The following SLC9A9 variants were observed in gnomAD, a reference collection of about 807,000 sequenced individuals.
SLC9A9 encodes solute carrier family 9 member A9.
Under a neutral mutation model 77.8 loss-of-function variants are expected in SLC9A9, and 62 were observed. The observed-to-expected ratio is 0.80, with a 90% CI of 0.65 to 0.98. The LOEUF (loss-of-function observed/expected upper bound fraction) is 0.98, where lower values mean the gene tolerates loss of function less well. SLC9A9 is among the 50% of genes least tolerant of loss of function. The probability of loss-of-function intolerance (pLI) is 0.00; values close to 1 mark genes in which losing one functional copy is unlikely to be tolerated. For synonymous variants in SLC9A9, 320 were observed against 283.5 expected (o/e 1.13, Z -1.29); for missense variants, 775 against 774.9 (o/e 1.00, Z 0.00).
At chr3:143,704,995 A>ATATCTATCTATCTATCATCTATCTATC (rs1553782451) in intron 4 of SLC9A9, among the ~76,000 whole-genome samples, 12 of 116,036 alleles carry the variant, frequency 1.0e-4, no homozygotes, top group Non-Finnish European at 1.9e-4. Flanking sequence ...TCCATCTCAA[A>ATATCTATCTATCTATCATCTATCTATC]TATCTATCTA....
chr3:143,450,027 A>C (rs1161745391), intron 12 of SLC9A9, among the ~76,000 whole-genome samples: 1 of 109,718 alleles, frequency 9.1e-6, no homozygotes, highest in African/African-American at 3.7e-5. Context: ...TACATATAAT[A>C]TATATACATA....
chr3:143,359,905 C>T (rs949012254), intron 14 of SLC9A9, among the ~76,000 whole-genome samples: 4 of 152,130 alleles, frequency 2.6e-5, no homozygotes, highest in Non-Finnish European at 5.9e-5. Flanking sequence ...CCAACAAAAA[C>T]CTGTAACCTT....
intron 14 of SLC9A9, among the ~76,000 whole-genome samples, chr3:143,321,969 G>C (rs948290777): frequency 1.3e-5 from 2 of 152,158 alleles, no homozygotes; most frequent in Non-Finnish European, 2.9e-5. Flanking sequence ...ACCCTAACTG[G>C]ATCATCTTTT....
chr3:143,359,278 C>A (rs1036064306), intron 14 of SLC9A9, among the ~76,000 whole-genome samples: 13 of 152,018 alleles, frequency 8.6e-5, no homozygotes, highest in Admixed American at 7.9e-4. Flanking sequence ...GAGGACATAC[C>A]AGGGAATGAA....
chr3:143,713,452 G>C (rs937987399), intron 4 of SLC9A9, among the ~76,000 whole-genome samples: 13 of 152,088 alleles, frequency 8.5e-5, no homozygotes, highest in Non-Finnish European at 1.5e-4. Flanking sequence ...GTGGTCATAA[G>C]GAAGAAAGAA....
chr3:143,618,089 A>C (rs1021628303), intron 6 of SLC9A9, among the ~76,000 whole-genome samples: 17 of 152,202 alleles, frequency 1.1e-4, no homozygotes, highest in African/African-American at 3.9e-4. Flanking sequence ...TTTGCATGAC[A>C]GCCAAGAACA....
intron 5 of SLC9A9, among the ~76,000 whole-genome samples, chr3:143,671,197 T>G (rs1485663692): frequency 6.6e-6 from 1 of 152,232 alleles, no homozygotes; most frequent in Admixed American, 6.5e-5. Context: ...CGTATTCAGA[T>G]GGAGCTTTTA....
rs2033313393 is a variant in SLC9A9, at chr3:143,381,955, C to T, written c.1524+105G>A. 4 of 1,313,814 alleles carry T rather than the reference C, an allele frequency of 3.0e-6. No homozygotes were observed. In the Admixed American group the frequency reaches 5.1e-5, roughly 17 times the overall value. 81.4% of individuals were successfully genotyped at this position (1,313,814 alleles called of 1,614,324 possible). Reference sequence around the variant, plus strand: ...ATTTGTTTTATCAGCAGAGGAAGCTCCGTTTAGAAATAGCTCCTTGGTCAC... The same window carrying T: ...ATTTGTTTTATCAGCAGAGGAAGCTTCGTTTAGAAATAGCTCCTTGGTCAC... On this transcript the variant is annotated intron_variant, in intron 13 of 15. Coordinates refer to ENST00000316549, the MANE Select transcript of SLC9A9 (RefSeq NM_173653.4).
intron 11 of SLC9A9, 100 bp downstream of exon 11, chr3:143,493,553 G>T (rs1482143887): frequency 1.3e-5 from 13 of 1,023,208 alleles, no homozygotes; most frequent in Non-Finnish European, 1.8e-5. Flanking sequence ...ATAAAGAGAA[G>T]TTGTTTCCCC....
At chr3:143,521,197 T>C (rs1048382003) in intron 9 of SLC9A9, among the ~76,000 whole-genome samples, 1 of 152,186 alleles carries the variant, frequency 6.6e-6, no homozygotes, top group African/African-American at 2.4e-5. Flanking sequence ...ATTTATGATT[T>C]TTGTTTTTCA....
At chr3:143,528,165 G>A (rs2036438123) in intron 9 of SLC9A9, among the ~76,000 whole-genome samples, 1 of 152,100 alleles carries the variant, frequency 6.6e-6, no homozygotes, top group African/African-American at 2.4e-5. Flanking sequence ...ACTTATTTTG[G>A]GCTCAGATTC....
At chr3:143,746,754 T>TA (rs1350434927) in intron 4 of SLC9A9, among the ~76,000 whole-genome samples, 4 of 152,176 alleles carry the variant, frequency 2.6e-5, no homozygotes, top group Admixed American at 2.6e-4. Flanking sequence ...CAGCATTGAT[T>TA]AATATAAACA....
chr3:143,616,479 T>A (rs1382996767), intron 6 of SLC9A9, among the ~76,000 whole-genome samples: 1 of 152,152 alleles, frequency 6.6e-6, no homozygotes, highest in Non-Finnish European at 1.5e-5. Context: ...ATGTCCTCAA[T>A]AATCTTTGAG....
chr3:143,475,684 C>T (rs1328529700), intron 11 of SLC9A9, among the ~76,000 whole-genome samples: 37 of 151,454 alleles, frequency 2.4e-4, no homozygotes, highest in Admixed American at 2.0e-4. Flanking sequence ...CCCAGGTACT[C>T]GGGAGGCTGA....
At chr3:143,319,544 C>T (rs1477750866) in intron 14 of SLC9A9, among the ~76,000 whole-genome samples, 3 of 152,186 alleles carry the variant, frequency 2.0e-5, no homozygotes, top group African/African-American at 7.2e-5. Context: ...ATAAGATCTT[C>T]CCCGCGTTTT....
intron 2 of SLC9A9, among the ~76,000 whole-genome samples, chr3:143,823,996 T>C (rs760519927): frequency 4.7e-4 from 71 of 152,130 alleles, no homozygotes; most frequent in Non-Finnish European, 8.4e-4. Flanking sequence ...AAAAGGTATA[T>C]GGATATATTC....
chr3:143,294,226 G>C (rs570513575), intron 14 of SLC9A9, among the ~76,000 whole-genome samples: 2 of 152,022 alleles, frequency 1.3e-5, no homozygotes, highest in African/African-American at 4.8e-5. Context: ...AAAACTAAAC[G>C]AAACTAAACC....
At chr3:143,705,058 GATATAT>G (rs1560041026) in intron 4 of SLC9A9, among the ~76,000 whole-genome samples, 2 of 42,010 alleles carry the variant, frequency 4.8e-5, no homozygotes, top group African/African-American at 1.2e-4. Flanking sequence ...TATAGATATA[GATATAT>G]AGATATATAT....
chr3:143,767,903 A>G (rs932189855), intron 4 of SLC9A9, among the ~76,000 whole-genome samples: 2 of 152,214 alleles, frequency 1.3e-5, no homozygotes, highest in African/African-American at 4.8e-5. Context: ...TCACTTCCTC[A>G]GAAGTTTTTT....
Sources: allele counts gnomAD v4.1 joint callset (sites outside exome capture counted in the v4.1 genomes callset), GRCh38; gene constraint gnomAD v4.1.1; transcripts MANE v1.5; gene names NCBI Gene and HGNC (gene_info 2026-07-23, HGNC 2026-07-21).